The following COMMD7 variants were observed in gnomAD, a reference collection of about 807,000 sequenced individuals.
COMMD7 encodes COMM domain containing 7, also known as COMM domain-containing protein 7.
Under a neutral mutation model 34.8 loss-of-function variants are expected in COMMD7, and 28 were observed. The observed-to-expected ratio is 0.80, with a 90% CI of 0.60 to 1.10. The LOEUF is 1.10. Ranked by LOEUF, COMMD7 falls within the 50% of genes least tolerant of loss-of-function variation. COMMD7 has a pLI of 0.00. For missense variants in COMMD7, 211 were observed against 241.6 expected (o/e 0.87, Z 0.84); for synonymous variants, 80 against 86.4 (o/e 0.93, Z 0.41).
chr20:32,720,705 C>T (rs1985100356), intron 3 of COMMD7, among the ~76,000 whole-genome samples: 1 of 152,106 alleles, frequency 6.6e-6, no homozygotes, highest in African/African-American at 2.4e-5. Context: ...ACTCAGGAGG[C>T]TGAAGCAGAA....
intron 3 of COMMD7, among the ~76,000 whole-genome samples, chr20:32,707,362 C>A (rs1018703527): frequency 7.8e-6 from 1 of 128,368 alleles, no homozygotes; most frequent in Non-Finnish European, 1.6e-5. Flanking sequence ...CTCTGTTGCC[C>A]AGGCTGGAGT....
intron 1 of COMMD7, chr20:32,742,451 T>A (rs1193899228): frequency 6.6e-6 from 1 of 151,904 alleles, no homozygotes; most frequent in African/African-American, 2.4e-5. Flanking sequence ...ATCTTCCCAG[T>A]GGGGGTGAGA....
chr20:32,742,449 A>C (rs1986497885), intron 1 of COMMD7: 1 of 152,038 alleles, frequency 6.6e-6, no homozygotes, highest in Non-Finnish European at 1.5e-5. Context: ...GTATCTTCCC[A>C]GTGGGGGTGA....
chr20:32,721,896 CA>C (rs34241116), intron 3 of COMMD7, among the ~76,000 whole-genome samples: 96,301 of 138,844 alleles, frequency 0.69, 33,250 homozygotes, highest in Middle Eastern at 0.83. Context: ...GACGTTGTCT[CA>C]AAAAAAAAAA....
At chr20:32,734,162 C>G (rs1986007214) in intron 1 of COMMD7, among the ~76,000 whole-genome samples, 1 of 138,612 alleles carries the variant, frequency 7.2e-6, no homozygotes, top group African/African-American at 2.7e-5. Flanking sequence ...GCCTGGGCAA[C>G]AGAGCGAGAC....
Position 32,728,006 on chromosome 20 carries a change from A to G in COMMD7, c.139-11T>C, listed in dbSNP as rs766352340. The stretch of plus-strand genomic sequence containing the variant: ...CAGAAATCTTTCCACCTGCAGAGAG[A>G]GAACAGTGAAAACCCGGGCCTTCAC... On this transcript the variant is annotated splice_polypyrimidine_tract_variant and intron_variant, in intron 2 of 8. Coordinates refer to ENST00000278980, the MANE Select transcript of COMMD7 (RefSeq NM_053041.3). 3.7e-6 allele frequency: 6 copies of G among 1,613,338 alleles called. No homozygotes were observed. Among genetic ancestry groups the G allele is most frequent in the Non-Finnish European group, 5.1e-6 (6 of 1,179,446 alleles).
intron 3 of COMMD7, among the ~76,000 whole-genome samples, chr20:32,709,544 C>T (rs913755375): frequency 1.3e-5 from 2 of 152,142 alleles, no homozygotes; most frequent in East Asian, 1.9e-4. Flanking sequence ...AGCGAGACTC[C>T]GTCTCAAAAA....
intron 3 of COMMD7, among the ~76,000 whole-genome samples, chr20:32,715,500 GAATAA>G (rs1334237455): frequency 1.9e-5 from 2 of 103,326 alleles, no homozygotes; most frequent in Non-Finnish European, 4.3e-5. Context: ...CAAACAAAAA[GAATAA>G]AATAAAATAA....
intron 8 of COMMD7, chr20:32,703,659 A>T: frequency 7.0e-7 from 1 of 1,435,702 alleles, no homozygotes; most frequent in Non-Finnish European, 9.1e-7. Flanking sequence ...AAAAAAGGGG[A>T]GTGAGTGTTC....
intron 3 of COMMD7, among the ~76,000 whole-genome samples, chr20:32,713,531 C>T (rs1438308712): frequency 6.6e-6 from 1 of 152,212 alleles, no homozygotes; most frequent in East Asian, 1.9e-4. Flanking sequence ...TGGACACAGG[C>T]TTGGTGAAAA....
At chr20:32,740,911 G>A (rs1033948287) in intron 1 of COMMD7, among the ~76,000 whole-genome samples, 10 of 151,640 alleles carry the variant, frequency 6.6e-5, no homozygotes, top group Non-Finnish European at 1.5e-4. Context: ...GGGAGGTTGA[G>A]GCAGGCAGAT....
intron 1 of COMMD7, among the ~76,000 whole-genome samples, chr20:32,729,021 ATGTT>A (rs967841467): frequency 6.6e-6 from 1 of 152,120 alleles, no homozygotes; most frequent in Non-Finnish European, 1.5e-5. Context: ...TAGGAACTGA[ATGTT>A]TGTGTCTCCC....
At chr20:32,737,198 A>G (rs1214088548) in intron 1 of COMMD7, among the ~76,000 whole-genome samples, 3 of 150,560 alleles carry the variant, frequency 2.0e-5, no homozygotes. Context: ...AAAGAAATAT[A>G]TACATATACA....
At position 32,743,386 on chromosome 20, in the gene COMMD7, GC is replaced by G; in HGVS notation, c.5del (p.Gly2AlafsTer21). Reference protein sequence around the residue: MGRLHCTEDPVP... With the variant: MXRLHCTEDPVP... ...CCGGGTCCTCAGTGCAGTGCAGGCG[GC>G]CCATGGCGCGCGCCCCAGCCCCGCA... On this transcript the variant is annotated frameshift_variant, in exon 1 of 9. Transcript: ENST00000278980. LOFTEE classifies it high-confidence loss of function. 1.4e-6 allele frequency: 2 copies of G among 1,398,418 alleles called. No homozygotes were observed. The highest frequency in any genetic ancestry group is 1.8e-6 in the Non-Finnish European group (2 of 1,081,540). 86.6% of individuals were successfully genotyped at this position (1,398,418 alleles called of 1,614,324 possible).
intron 3 of COMMD7, among the ~76,000 whole-genome samples, chr20:32,707,312 TATCTCAAAATATATATATA>T (rs1984158613): frequency 8.0e-6 from 1 of 125,628 alleles, no homozygotes; most frequent in African/African-American, 2.8e-5. Flanking sequence ...TATATATACT[TATCTCAAAATATATATATA>T]TTTTTTGAGA....
chr20:32,718,451 C>T (rs963544037), intron 3 of COMMD7, among the ~76,000 whole-genome samples: 4 of 151,460 alleles, frequency 2.6e-5, no homozygotes, highest in African/African-American at 9.7e-5. Flanking sequence ...GTAATCACAG[C>T]ACTTTGAGAG....
chr20:32,737,955 A>G (rs992464774), intron 1 of COMMD7, among the ~76,000 whole-genome samples: 1 of 152,122 alleles, frequency 6.6e-6, no homozygotes, highest in Non-Finnish European at 1.5e-5. Context: ...CTTAAAAAAA[A>G]AAAAAAGAAA....
Position 32,706,610 on chromosome 20 carries a change from C to T in COMMD7, c.309G>A (p.Glu103=). The change falls in exon 5 of 9, where the codon GAG becomes GAA. Residue 103 remains glutamate, a synonymous_variant. Transcript: ENST00000278980. ...QADFITLGLS[E]EKATYFSEKW... The stretch of plus-strand genomic sequence containing the variant: ...TTTCAGAAAAGTAAGTGGCTTTCTC[C>T]TCACTAAGACCTATAAGAGAACAGA... 4 of 1,611,690 alleles carry T rather than the reference C, an allele frequency of 2.5e-6. No individual in the cohort carries two copies. Among genetic ancestry groups the T allele is most frequent in the Non-Finnish European group, 3.4e-6 (4 of 1,177,940 alleles).
chr20:32,728,443 GACATAC>G (rs1317582715), intron 1 of COMMD7, among the ~76,000 whole-genome samples: 1 of 86,448 alleles, frequency 1.2e-5, no homozygotes, highest in Admixed American at 9.7e-5. Context: ...CACACAGACA[GACATAC>G]ACACACACAC....
Sources: gnomAD v4.1 joint callset for allele counts (sites outside exome capture counted in the v4.1 genomes callset) on GRCh38, gnomAD v4.1.1 for gene constraint, MANE v1.5 for transcripts, NCBI Gene and HGNC (gene_info 2026-07-23, HGNC 2026-07-21) for gene names.